The following CAMLG variants were observed in gnomAD, a reference collection of about 807,000 sequenced individuals.
CAMLG encodes the protein calcium modulating ligand, also known as guided entry of tail-anchored proteins factor CAMLG.
CAMLG carries 23 observed loss-of-function variants against 28.9 expected under a neutral mutation model. The observed-to-expected ratio is 0.80, with a 90% CI of 0.57 to 1.13. CAMLG has a LOEUF of 1.13. Among genes scored for constraint, CAMLG ranks in the 50% most tolerant of loss-of-function variants. CAMLG has a pLI of 0.00. For synonymous variants in CAMLG, 141 were observed against 146.5 expected (o/e 0.96, Z 0.27); for missense variants, 367 against 371.9 (o/e 0.99, Z 0.11).
chr5:134,744,246 G>T (rs553933576), intron 3 of CAMLG, among the ~76,000 whole-genome samples, 194 bp downstream of exon 3: 10 of 152,182 alleles, frequency 6.6e-5, no homozygotes, highest in African/African-American at 2.2e-4. Context: ...GTAATTGGCC[G>T]GGCGCAGTGG....
Position 134,750,960 on chromosome 5 carries a change from A to G in CAMLG, c.*10A>G, listed in dbSNP as rs761616786. 74 of 1,590,600 alleles carry G rather than the reference A, an allele frequency of 4.7e-5. No homozygotes were observed. The highest frequency in any genetic ancestry group is 6.1e-5 in the Non-Finnish European group (71 of 1,169,764). ...CTCTGAAGTACCATGAAGCCTGTAG[A>G]ACTGAGAAGGAGAAGCTTACAAAAA... is the stretch of plus-strand genomic sequence containing the variant. On this transcript the variant is annotated 3_prime_UTR_variant, in exon 4 of 4. Transcript: ENST00000297156.
Position 134,751,039 on chromosome 5 carries a change from C to T in CAMLG, c.*89C>T, listed in dbSNP as rs997728464. 2 of 867,848 alleles carry T rather than the reference C, an allele frequency of 2.3e-6. No homozygotes were observed. Among genetic ancestry groups the T allele is most frequent in the Admixed American group, 5.1e-5 (2 of 39,394 alleles). 53.8% of individuals were successfully genotyped at this position (867,848 alleles called of 1,614,324 possible). On this transcript the variant is annotated 3_prime_UTR_variant, in exon 4 of 4. Transcript: ENST00000297156. ...TCTCTAAAGGAGGCAAATTGGTTTA[C>T]ACCTTCATGTAATTCTTTTACTTTA...
intron 2 of CAMLG, among the ~76,000 whole-genome samples, chr5:134,741,993 CAAT>C (rs1349054075): frequency 6.6e-6 from 1 of 151,972 alleles, no homozygotes; most frequent in Non-Finnish European, 1.5e-5. Context: ...AACAATACAA[CAAT>C]AACAAATAGT....
chr5:134,744,060 A>C lies in CAMLG; in HGVS notation c.699+8A>C, dbSNP rs981219150. On this transcript the variant is annotated splice_region_variant and intron_variant, in intron 3 of 3. Coordinates refer to ENST00000297156, the MANE Select transcript of CAMLG (RefSeq NM_001745.4). ...TACAAATATTTTCCCAAGGTAAATT[A>C]ATTTTTTTTCTAAATTTCGATGATG... is the stretch of plus-strand genomic sequence containing the variant. 5 of 1,280,268 alleles carry C rather than the reference A, an allele frequency of 3.9e-6. No individual in the cohort carries two copies. The African/African-American group carries it at 5.9e-5, about 15-fold the overall frequency. The allele number at this position is 1,280,268 out of a possible 1,614,324, so 79.3% of individuals were successfully genotyped here. A position where few individuals can be genotyped will look rare whatever the true frequency, so the allele number is the denominator to read the frequency against.
At chr5:134,741,614 C>A in intron 2 of CAMLG, 91 bp downstream of exon 2, 1 of 786,656 alleles carries the variant, frequency 1.3e-6, no homozygotes, top group East Asian at 2.5e-5. Flanking sequence ...AAGTCATTGC[C>A]AGTATTAATA....
intron 2 of CAMLG, 44 bp from the exon 3 acceptor site, chr5:134,743,943 A>G: frequency 2.4e-6 from 2 of 839,356 alleles, no homozygotes; most frequent in Non-Finnish European, 3.9e-6. Context: ...TGTGATTTGA[A>G]TGATTATGTT....
chr5:134,747,042 C>T (rs973238566), intron 3 of CAMLG, among the ~76,000 whole-genome samples: 1 of 151,974 alleles, frequency 6.6e-6, no homozygotes, highest in Non-Finnish European at 1.5e-5. Flanking sequence ...GCCAAGACAG[C>T]GCCACTGCAC....
Position 134,751,011 on chromosome 5 carries a change from G to A in CAMLG, c.*61G>A, listed in dbSNP as rs1753109061. On this transcript the variant is annotated 3_prime_UTR_variant, in exon 4 of 4. Transcript: ENST00000297156. ...AAAAAAAATCCTCTTCTATATTGCA[G>A]TGTCTCTAAAGGAGGCAAATTGGTT... 1.0e-5 allele frequency: 14 copies of A among 1,353,862 alleles called. No individual in the cohort carries two copies. In the South Asian group the frequency reaches 1.7e-4, roughly 16 times the overall value. 83.9% of individuals were successfully genotyped at this position (1,353,862 alleles called of 1,614,324 possible). A position where few individuals can be genotyped will look rare whatever the true frequency, so the allele number is the denominator to read the frequency against.
chr5:134,746,227 T>G (rs759328006), intron 3 of CAMLG, among the ~76,000 whole-genome samples: 1 of 148,224 alleles, frequency 6.7e-6, no homozygotes, highest in Admixed American at 6.7e-5. Context: ...CCAAGAAATA[T>G]TAAGAGAAAA....
chr5:134,746,798 CAA>C (rs1471225448), intron 3 of CAMLG, among the ~76,000 whole-genome samples: 1 of 150,812 alleles, frequency 6.6e-6, no homozygotes, highest in Non-Finnish European at 1.5e-5. Context: ...TTTTTAAACA[CAA>C]AAGTTGGCCA....
At position 134,744,165 on chromosome 5, in the gene CAMLG, C is replaced by CAAA. The variant is rs1753017769; in HGVS notation, c.699+114_699+116dup. ...GCTTACGGTCTGAATCAGTGCTACT[C>CAAA]AAAGTGTGGTTTGCCCACTTATCTC... On this transcript the variant is annotated intron_variant, in intron 3 of 3. Transcript: ENST00000297156. 19 of 594,438 alleles carry CAAA rather than the reference C, an allele frequency of 3.2e-5. No homozygotes were observed. The South Asian group carries it at 3.7e-4, about 12-fold the overall frequency. The allele number at this position is 594,438 out of a possible 1,614,324, so 36.8% of individuals were successfully genotyped here.
intron 3 of CAMLG, among the ~76,000 whole-genome samples, chr5:134,748,604 GCTTGT>G (rs960095018): frequency 3.9e-5 from 6 of 152,146 alleles, no homozygotes; most frequent in Non-Finnish European, 5.9e-5. Flanking sequence ...TGCTTGAAAT[GCTTGT>G]CTTAATTGTA....
At chr5:134,743,374 AT>A (rs1444070790) in intron 2 of CAMLG, among the ~76,000 whole-genome samples, 2 of 151,870 alleles carry the variant, frequency 1.3e-5, no homozygotes, top group Non-Finnish European at 2.9e-5. Flanking sequence ...CTTGAGAAAC[AT>A]ATTTTATGTT....
In CAMLG at chr5:134,738,552, A is replaced by C; in HGVS notation, c.-69A>C. 7.5e-7 allele frequency: 1 copy of C among 1,338,560 alleles called. No homozygotes were observed. The highest frequency in any genetic ancestry group is 1.0e-6 in the Non-Finnish European group (1 of 987,062). The allele number at this position is 1,338,560 out of a possible 1,614,324, so 82.9% of individuals were successfully genotyped here. A position where few individuals can be genotyped will look rare whatever the true frequency, so the allele number is the denominator to read the frequency against. Reference sequence around the variant, plus strand: ...ACGCGCGCCCTGCGGCCCGGCCTCTAGTCATCGCCCTCGCAGCGGCGGCCA... The same window carrying C: ...ACGCGCGCCCTGCGGCCCGGCCTCTCGTCATCGCCCTCGCAGCGGCGGCCA... On this transcript the variant is annotated 5_prime_UTR_variant, in exon 1 of 4. Transcript: ENST00000297156.
At chr5:134,747,550 G>A (rs138778259) in intron 3 of CAMLG, among the ~76,000 whole-genome samples, 3,490 of 151,854 alleles carry the variant, frequency 0.023, 64 homozygotes, top group African/African-American at 0.056. Context: ...GTTTCACCGT[G>A]TTAGCCAGGA....
chr5:134,746,841 A>T (rs2150122034), intron 3 of CAMLG, among the ~76,000 whole-genome samples: 1 of 151,122 alleles, frequency 6.6e-6, no homozygotes, highest in South Asian at 2.1e-4. Flanking sequence ...TAATCCCAGC[A>T]CTTTGGAAGG....
intron 3 of CAMLG, among the ~76,000 whole-genome samples, chr5:134,750,478 C>T (rs945766074): frequency 2.6e-5 from 4 of 151,436 alleles, no homozygotes; most frequent in Non-Finnish European, 1.5e-5. Flanking sequence ...GCAGAGGTTG[C>T]AGTGAGCCGA....
chr5:134,744,169 G>C, intron 3 of CAMLG, 117 bp downstream of exon 3: 1 of 585,988 alleles, frequency 1.7e-6, no homozygotes, highest in Non-Finnish European at 3.0e-6. Context: ...GCTACTCAAA[G>C]TGTGGTTTGC....
In CAMLG at chr5:134,741,171, G is replaced by C; in HGVS notation, c.281G>C (p.Gly94Ala). 1.9e-6 allele frequency: 3 copies of C among 1,614,028 alleles called. No individual in the cohort carries two copies. Among genetic ancestry groups the C allele is most frequent in the Non-Finnish European group, 2.5e-6 (3 of 1,179,882 alleles). The change falls in exon 2 of 4, where the codon GGA (glycine) becomes GCA (alanine). Residue 94 changes from glycine (G) to alanine (A), a missense_variant. Physicochemically the swap from Gly to Ala is moderately conservative, Grantham distance 60. Transcript: ENST00000297156. ...GTGCTGGGTGATTCAGTCAGTACAG[G>C]AACAACTGACCAGCAGGGTGGTGTG... ...RVVLGDSVST[G>A]TTDQQGGVAE...
Sources: gnomAD v4.1 joint callset for allele counts (sites outside exome capture counted in the v4.1 genomes callset) on GRCh38, gnomAD v4.1.1 for gene constraint, MANE v1.5 for transcripts, NCBI Gene and HGNC (gene_info 2026-07-23, HGNC 2026-07-21) for gene names.